G3BP2: variants seen among roughly 807,000 people sequenced by gnomAD.
G3BP2 encodes G3BP stress granule assembly factor 2, also known as ras GTPase-activating protein-binding protein 2.
In G3BP2, 11 loss-of-function variants were observed where a neutral mutation model predicts 56.7. That is an observed-to-expected ratio of 0.19 (90% CI 0.12 to 0.32). The LOEUF (loss-of-function observed/expected upper bound fraction) is 0.32. Among genes scored for constraint, G3BP2 ranks in the 10% least tolerant of loss-of-function variants. The pLI, the probability that G3BP2 is intolerant of heterozygous loss-of-function variation, is 1.00. For missense variants in G3BP2, 340 were observed against 610.9 expected (o/e 0.56, Z 4.67); for synonymous variants, 165 against 191.6 (o/e 0.86, Z 1.15).
At chr4:75,649,779 C>T (rs1430224408) in intron 8 of G3BP2, among the ~76,000 whole-genome samples, 1 of 151,774 alleles carries the variant, frequency 6.6e-6, no homozygotes, top group Non-Finnish European at 1.5e-5. Context: ...GGAGGCCAAG[C>T]TGCGCGGATC....
At chr4:75,646,306 A>C in intron 11 of G3BP2, 32 bp downstream of exon 11, 1 of 916,240 alleles carries the variant, frequency 1.1e-6, no homozygotes, top group African/African-American at 1.7e-5. Flanking sequence ...AGAAATAATA[A>C]AGTCTTGAAT....
chr4:75,693,937 T>C (rs1287103612), intron 3 of G3BP2, among the ~76,000 whole-genome samples: 1 of 151,972 alleles, frequency 6.6e-6, no homozygotes, highest in East Asian at 1.9e-4. Flanking sequence ...GATGGGGTCT[T>C]ACTATATTGT....
intron 1 of G3BP2, among the ~76,000 whole-genome samples, chr4:75,672,339 G>GAAA (rs1341867075): frequency 6.6e-6 from 1 of 152,148 alleles, no homozygotes; most frequent in Non-Finnish European, 1.5e-5. Flanking sequence ...AGAGACGCAG[G>GAAA]AAAAATTCTA....
intron 3 of G3BP2, among the ~76,000 whole-genome samples, chr4:75,696,201 A>G (rs1577883699): frequency 1.3e-5 from 2 of 152,290 alleles, no homozygotes; most frequent in East Asian, 3.9e-4. Context: ...CAAGGGGTTA[A>G]GAGAGTAGGT....
chr4:75,715,134 G>A (rs1459621034), intron 3 of G3BP2, among the ~76,000 whole-genome samples: 1 of 152,160 alleles, frequency 6.6e-6, no homozygotes, highest in Non-Finnish European at 1.5e-5. Flanking sequence ...CTGTGAAACA[G>A]GAATAAGAAT....
Position 75,645,155 on chromosome 4 carries a change from C to A in G3BP2, c.*275G>T. ...AAGGACCTGAATTCAGTGGGCATGT[C>A]CTTTTAAGTTCACTTTGTCGTAGAT... On this transcript the variant is annotated 3_prime_UTR_variant, in exon 12 of 12. Transcript: ENST00000359707. The A allele has an allele frequency of 2.5e-6, 1 of 401,314 alleles. No individual in the cohort carries two copies. The highest frequency in any genetic ancestry group is 4.9e-5 in the South Asian group (1 of 20,390). The allele number at this position is 401,314 out of a possible 1,614,324, so 24.9% of individuals were successfully genotyped here. A position where few individuals can be genotyped will look rare whatever the true frequency, so the allele number is the denominator to read the frequency against.
At chr4:75,659,292 T>C (rs544416185) in intron 2 of G3BP2, among the ~76,000 whole-genome samples, 1 of 152,214 alleles carries the variant, frequency 6.6e-6, no homozygotes, top group Admixed American at 6.5e-5. Flanking sequence ...CCTGTTTTTT[T>C]CTTCAGATAC....
chr4:75,700,200 C>T (rs901280414), intron 3 of G3BP2, among the ~76,000 whole-genome samples: 2 of 151,650 alleles, frequency 1.3e-5, no homozygotes, highest in Non-Finnish European at 1.5e-5. Flanking sequence ...ATTACAGGCA[C>T]GTGCCACCAC....
chr4:75,720,022 C>CTTTTTTTT (rs67468716), intron 3 of G3BP2, among the ~76,000 whole-genome samples: 1 of 97,320 alleles, frequency 1.0e-5, no homozygotes, highest in Non-Finnish European at 1.9e-5. Context: ...GCCCAGAACC[C>CTTTTTTTT]TTTTTTTTTT....
chr4:75,647,212 C>A, intron 9 of G3BP2, 55 bp from the exon 10 acceptor site: 1 of 1,151,930 alleles, frequency 8.7e-7, no homozygotes. Flanking sequence ...AAAACTACTT[C>A]AAAGGAGTGA....
At chr4:75,675,046 T>C (rs1733815097), upstream of G3BP2, among the ~76,000 whole-genome samples, 1 of 152,006 alleles carries the variant, frequency 6.6e-6, no homozygotes, top group Non-Finnish European at 1.5e-5. Context: ...TTTATGCCCA[T>C]TTTATAGATG....
At chr4:75,695,741 G>A (rs909275022) in intron 3 of G3BP2, among the ~76,000 whole-genome samples, 8 of 152,118 alleles carry the variant, frequency 5.3e-5, no homozygotes, top group African/African-American at 7.2e-5. Flanking sequence ...TTGGGAGGCC[G>A]AGGCGGGTGA....
chr4:75,675,155 C>T (rs530486801), upstream of G3BP2, among the ~76,000 whole-genome samples: 123 of 152,278 alleles, frequency 8.1e-4, no homozygotes, highest in African/African-American at 2.9e-3. Context: ...CCTCCACAGT[C>T]CATACCCTCA....
At position 75,644,885 on chromosome 4, in the gene G3BP2, G is replaced by A. The variant is rs1731096662; in HGVS notation, c.*545C>T. The A allele has an allele frequency of 6.5e-6, 1 of 153,052 alleles. No homozygotes were observed. Among genetic ancestry groups the A allele is most frequent in the South Asian group, 2.1e-4 (1 of 4,838 alleles). 9.5% of individuals were successfully genotyped at this position (153,052 alleles called of 1,614,324 possible). ...TCACAAACTATTTTCTACTGGAAAA[G>A]AAGATGAGATTTTTTCCCTGTTGCC... On this transcript the variant is annotated 3_prime_UTR_variant, in exon 12 of 12. Transcript: ENST00000359707.
intron 3 of G3BP2, among the ~76,000 whole-genome samples, chr4:75,703,508 G>A (rs1401113260): frequency 6.6e-6 from 1 of 152,090 alleles, no homozygotes; most frequent in South Asian, 2.1e-4. Flanking sequence ...AAATGTATAC[G>A]ACTGTGAAAT....
intron 3 of G3BP2, among the ~76,000 whole-genome samples, chr4:75,693,878 G>C (rs1718984314): frequency 6.6e-6 from 1 of 151,238 alleles, no homozygotes. Flanking sequence ...AGGCCCACAA[G>C]CCTGCCACCA....
At chr4:75,646,604 G>A (rs151082701) in intron 10 of G3BP2, 148 bp from the exon 11 acceptor site, 16 of 623,416 alleles carry the variant, frequency 2.6e-5, no homozygotes, top group East Asian at 2.0e-4. Flanking sequence ...GCCAAGGTAC[G>A]TTTACTCAAG....
At chr4:75,678,187 TTGTC>T (rs1278539026), upstream of G3BP2, among the ~76,000 whole-genome samples, 2 of 152,168 alleles carry the variant, frequency 1.3e-5, no homozygotes, top group East Asian at 1.9e-4. Flanking sequence ...GGTTCTTGCT[TTGTC>T]TGTCACCTGG....
intron 1 of G3BP2, among the ~76,000 whole-genome samples, chr4:75,722,508 A>G (rs528100508): frequency 6.6e-6 from 1 of 152,284 alleles, no homozygotes; most frequent in African/African-American, 2.4e-5. Flanking sequence ...CTCATTCCTG[A>G]TGATGGGGTA....
Sources: allele counts gnomAD v4.1 joint callset (sites outside exome capture counted in the v4.1 genomes callset), GRCh38; gene constraint gnomAD v4.1.1; transcripts MANE v1.5; gene names NCBI Gene and HGNC (gene_info 2026-07-23, HGNC 2026-07-21).